TAOK1: variants seen among roughly 807,000 people sequenced by gnomAD.
TAOK1 encodes serine/threonine-protein kinase TAO1.
Under a neutral mutation model 138.3 loss-of-function variants are expected in TAOK1, and 21 were observed. That is an observed-to-expected ratio of 0.15 (90% CI 0.11 to 0.22). TAOK1 has a LOEUF of 0.22. TAOK1 is among the 10% of genes least tolerant of loss of function. TAOK1 has a pLI of 1.00. For synonymous variants in TAOK1, 361 were observed against 398.4 expected (o/e 0.91, Z 1.12); for missense variants, 651 against 1,227.7 (o/e 0.53, Z 7.02).
chr17:29,428,631 T>C (rs1238891197), intron 1 of TAOK1, among the ~76,000 whole-genome samples: 1 of 151,856 alleles, frequency 6.6e-6, no homozygotes, highest in Non-Finnish European at 1.5e-5. Flanking sequence ...GTTGTGAGAG[T>C]TATATATATA....
At chr17:29,539,158 A>T (rs1567749640) in intron 19 of TAOK1, among the ~76,000 whole-genome samples, 1 of 152,072 alleles carries the variant, frequency 6.6e-6, no homozygotes, top group Non-Finnish European at 1.5e-5. Flanking sequence ...GCTCCTCTGG[A>T]GGCTGAGGTG....
chr17:29,515,819 G>A (rs911066814), intron 15 of TAOK1, among the ~76,000 whole-genome samples: 1 of 151,560 alleles, frequency 6.6e-6, no homozygotes, highest in Non-Finnish European at 1.5e-5. Context: ...CTGGGCGACA[G>A]AGCAAGACTC....
At chr17:29,422,210 A>G (rs1414599363) in intron 1 of TAOK1, among the ~76,000 whole-genome samples, 1 of 127,910 alleles carries the variant, frequency 7.8e-6, no homozygotes, top group Non-Finnish European at 1.7e-5. Flanking sequence ...CCTTTTTTTT[A>G]ATTTATTTTT....
intron 9 of TAOK1, among the ~76,000 whole-genome samples, chr17:29,491,490 A>T (rs2031294887): frequency 6.6e-6 from 1 of 152,160 alleles, no homozygotes; most frequent in African/African-American, 2.4e-5. Flanking sequence ...GAAAAAAAAA[A>T]GTAGATAGGC....
At chr17:29,409,074 A>G (rs1283493479) in intron 1 of TAOK1, among the ~76,000 whole-genome samples, 2 of 151,994 alleles carry the variant, frequency 1.3e-5, no homozygotes, top group African/African-American at 4.8e-5. Context: ...ATAGAAATGG[A>G]ATTATACAGT....
intron 1 of TAOK1, among the ~76,000 whole-genome samples, chr17:29,434,684 C>T (rs180786220): frequency 3.9e-5 from 6 of 152,254 alleles, no homozygotes; most frequent in African/African-American, 1.2e-4. Flanking sequence ...CTCATTTATG[C>T]CATGGATATT....
intron 1 of TAOK1, among the ~76,000 whole-genome samples, chr17:29,438,012 G>A (rs1228052708): frequency 2.6e-5 from 4 of 152,070 alleles, no homozygotes; most frequent in African/African-American, 9.7e-5. Context: ...GATTACAGGC[G>A]TGAGCCAGCG....
intron 1 of TAOK1, among the ~76,000 whole-genome samples, chr17:29,420,198 C>T (rs1379521251): frequency 4.6e-5 from 7 of 151,980 alleles, no homozygotes; most frequent in South Asian, 2.1e-4. Context: ...GTGCATGCCA[C>T]GACGCCTGGC....
chr17:29,414,763 C>T (rs1395022438), intron 1 of TAOK1, among the ~76,000 whole-genome samples: 1 of 141,446 alleles, frequency 7.1e-6, no homozygotes, highest in Non-Finnish European at 1.5e-5. Context: ...TTCACCATGA[C>T]GGCCAAGCTA....
At chr17:29,407,752 A>G (rs972760481) in intron 1 of TAOK1, among the ~76,000 whole-genome samples, 1 of 152,112 alleles carries the variant, frequency 6.6e-6, no homozygotes, top group African/African-American at 2.4e-5. Context: ...CAACTGAGGT[A>G]TCTTACTCTT....
At chr17:29,439,452 T>A (rs1306510332) in intron 1 of TAOK1, among the ~76,000 whole-genome samples, 1 of 152,064 alleles carries the variant, frequency 6.6e-6, no homozygotes, top group Non-Finnish European at 1.5e-5. Context: ...ATCTGCCGGC[T>A]TCGGCCTCCC....
intron 2 of TAOK1, among the ~76,000 whole-genome samples, chr17:29,460,436 C>T (rs773143769): frequency 1.1e-4 from 17 of 152,144 alleles, no homozygotes; most frequent in Non-Finnish European, 2.2e-4. Flanking sequence ...ATGATCCACC[C>T]GCCTCGGCCT....
chr17:29,532,051 G>T (rs1436738613), intron 18 of TAOK1, among the ~76,000 whole-genome samples: 2 of 151,926 alleles, frequency 1.3e-5, no homozygotes, highest in Admixed American at 1.3e-4. Context: ...TAGTGGAGAC[G>T]GGGTTTCACC....
At chr17:29,533,525 C>A in intron 18 of TAOK1, among the ~76,000 whole-genome samples, 1 of 151,520 alleles carries the variant, frequency 6.6e-6, no homozygotes, top group Non-Finnish European at 1.5e-5. Flanking sequence ...GCCGAGATCA[C>A]CCCACTGCAC....
chr17:29,414,388 T>C (rs1249639697), intron 1 of TAOK1, among the ~76,000 whole-genome samples: 1 of 151,922 alleles, frequency 6.6e-6, no homozygotes, highest in Non-Finnish European at 1.5e-5. Flanking sequence ...TAGCTGGGAT[T>C]ACAGGCACAC....
At chr17:29,506,560 G>A (rs1304739472) in intron 13 of TAOK1, among the ~76,000 whole-genome samples, 1 of 152,020 alleles carries the variant, frequency 6.6e-6, no homozygotes, top group Non-Finnish European at 1.5e-5. Flanking sequence ...ATAGCCAGGT[G>A]ACTATAGTCA....
At position 29,550,289 on chromosome 17, in the gene TAOK1, G is replaced by T. The variant is rs1234563297; in HGVS notation, c.*7267G>T. ...TGGTCGGATGTAAATAACATTTAAA[G>T]TATAGTGCACATAACTTCCCCGGAC... On this transcript the variant is annotated 3_prime_UTR_variant, in exon 20 of 20. Coordinates refer to ENST00000261716, the MANE Select transcript of TAOK1 (RefSeq NM_020791.4). 5.9e-5 allele frequency: 9 copies of T among 152,168 alleles called. No homozygotes were observed. The highest frequency in any genetic ancestry group is 1.0e-4 in the Non-Finnish European group (7 of 68,028). 9.4% of individuals were successfully genotyped at this position (152,168 alleles called of 1,614,324 possible). A position where few individuals can be genotyped will look rare whatever the true frequency, so the allele number is the denominator to read the frequency against.
At chr17:29,526,074 G>A (rs146400009) in intron 17 of TAOK1, among the ~76,000 whole-genome samples, 5,621 of 151,534 alleles carry the variant, frequency 0.037, 369 homozygotes, top group African/African-American at 0.13. Context: ...TCGGGAGTTC[G>A]AGACCAGCCT....
chr17:29,450,653 A>G (rs2030207629), intron 1 of TAOK1, among the ~76,000 whole-genome samples: 1 of 152,154 alleles, frequency 6.6e-6, no homozygotes, highest in African/African-American at 2.4e-5. Flanking sequence ...CCAGGACTAT[A>G]AGTGCATGAC....
Sources: gnomAD v4.1 joint callset for allele counts (sites outside exome capture counted in the v4.1 genomes callset) on GRCh38, gnomAD v4.1.1 for gene constraint, MANE v1.5 for transcripts, NCBI Gene and HGNC (gene_info 2026-07-23, HGNC 2026-07-21) for gene names.